The following GRID1 variants were observed in gnomAD, a reference collection of about 807,000 sequenced individuals.
GRID1 encodes glutamate ionotropic receptor delta type subunit 1, also known as glutamate receptor ionotropic, delta-1.
In GRID1, 28 loss-of-function variants were observed where a neutral mutation model predicts 98.0. The observed-to-expected ratio is 0.29, with a 90% CI of 0.21 to 0.39. The LOEUF is 0.39. GRID1 is among the 10% of genes least tolerant of loss of function. GRID1 has a pLI of 1.00. For synonymous variants in GRID1, 553 were observed against 538.5 expected (o/e 1.03, Z -0.37); for missense variants, 1,111 against 1,340.5 (o/e 0.83, Z 2.67).
At chr10:86,063,421 C>T (rs998825197) in intron 4 of GRID1, among the ~76,000 whole-genome samples, 2 of 152,174 alleles carry the variant, frequency 1.3e-5, no homozygotes, top group Admixed American at 1.3e-4. Context: ...GAGAGAGCAG[C>T]CTGCACTTCT....
chr10:85,913,907 G>A (rs1022099036), intron 5 of GRID1, among the ~76,000 whole-genome samples: 2 of 152,204 alleles, frequency 1.3e-5, no homozygotes, highest in Non-Finnish European at 1.5e-5. Flanking sequence ...ACATTTGGAG[G>A]AGGACACACT....
At chr10:85,887,199 T>G (rs935406898) in intron 5 of GRID1, among the ~76,000 whole-genome samples, 3 of 152,126 alleles carry the variant, frequency 2.0e-5, no homozygotes, top group Non-Finnish European at 4.4e-5. Flanking sequence ...ATAGACCACC[T>G]AGGGCAAGGC....
chr10:85,867,363 G>C (rs1843231429), intron 6 of GRID1, among the ~76,000 whole-genome samples: 1 of 152,184 alleles, frequency 6.6e-6, no homozygotes, highest in Non-Finnish European at 1.5e-5. Flanking sequence ...ATTTGGGGAG[G>C]GAGGAAGCCC....
At chr10:85,880,454 A>C (rs557418109) in intron 5 of GRID1, among the ~76,000 whole-genome samples, 7 of 152,376 alleles carry the variant, frequency 4.6e-5, no homozygotes, top group South Asian at 2.1e-4. Flanking sequence ...CCTGGGATGC[A>C]AGGCTGGTTC....
chr10:85,615,674 T>C (rs1204760203), intron 14 of GRID1, among the ~76,000 whole-genome samples: 1 of 152,204 alleles, frequency 6.6e-6, no homozygotes, highest in Non-Finnish European at 1.5e-5. Context: ...CAGACCTCTC[T>C]CATGGCACAC....
rs540325155 is a variant in GRID1, at chr10:85,902,362, G to A, written c.780+13824C>T. Among the ~76,000 whole-genome samples the A allele has an allele frequency of 1.8e-3, 269 of 152,280 alleles. 1 individual carries two copies. Among genetic ancestry groups the A allele is most frequent in the Non-Finnish European group, 2.9e-3 (200 of 68,022 alleles). On this transcript the variant is annotated intron_variant, in intron 5 of 15. Coordinates refer to ENST00000327946, the MANE Select transcript of GRID1 (RefSeq NM_017551.3). ...CATCACACTATGCAGAAGAGCATGC[G>A]ATTGAAAAACGTATAAATTATTTAT...
chr10:86,129,246 C>T (rs1026223628), intron 4 of GRID1, among the ~76,000 whole-genome samples: 4 of 152,134 alleles, frequency 2.6e-5, no homozygotes, highest in African/African-American at 9.7e-5. Context: ...GGTGTCCAGT[C>T]CCCCTCCTCA....
At chr10:85,993,351 A>G (rs949296752) in intron 4 of GRID1, among the ~76,000 whole-genome samples, 1 of 152,232 alleles carries the variant, frequency 6.6e-6, no homozygotes, top group Non-Finnish European at 1.5e-5. Flanking sequence ...TCTCCGATCA[A>G]TGGTATGGGC....
chr10:85,718,288 A>G (rs1038808263), intron 12 of GRID1, among the ~76,000 whole-genome samples: 1 of 152,182 alleles, frequency 6.6e-6, no homozygotes, highest in South Asian at 2.1e-4. Flanking sequence ...TTGCCTGGGC[A>G]TCCAGGCATT....
intron 4 of GRID1, among the ~76,000 whole-genome samples, chr10:86,056,970 C>T (rs1843582639): frequency 1.3e-5 from 2 of 152,236 alleles, no homozygotes; most frequent in African/African-American, 4.8e-5. Flanking sequence ...CCTTGCCTGG[C>T]TTTAGACTGT....
At chr10:85,623,983 G>T (rs1842884049) in intron 13 of GRID1, among the ~76,000 whole-genome samples, 1 of 152,158 alleles carries the variant, frequency 6.6e-6, no homozygotes, top group African/African-American at 2.4e-5. Flanking sequence ...AGAGTCCCTT[G>T]ACCAAGTGTC....
intron 2 of GRID1, among the ~76,000 whole-genome samples, chr10:86,307,424 T>C (rs1233171430): frequency 1.3e-5 from 2 of 152,208 alleles, no homozygotes; most frequent in Non-Finnish European, 2.9e-5. Flanking sequence ...TTATGCTTTG[T>C]TATAAGCCAG....
In GRID1 at chr10:85,701,969, A is replaced by C. The variant is rs76861719; in HGVS notation, c.1997+21034T>G. ...TGTTCCCCAACAACCAATGGGGAAAAGTACATGAAGATATTTCCAAATTAG... is the reference window on the plus strand; with the variant it reads ...TGTTCCCCAACAACCAATGGGGAAACGTACATGAAGATATTTCCAAATTAG... On this transcript the variant is annotated intron_variant, in intron 12 of 15. Coordinates refer to ENST00000327946, the MANE Select transcript of GRID1 (RefSeq NM_017551.3). Among the ~76,000 whole-genome samples, 694 of 152,294 alleles carry C rather than the reference A, an allele frequency of 4.6e-3. 5 individuals carry two copies. The highest frequency in any genetic ancestry group is 0.015 in the African/African-American group (616 of 41,572).
chr10:86,047,015 C>T (rs1398788514), intron 4 of GRID1, among the ~76,000 whole-genome samples: 1 of 152,230 alleles, frequency 6.6e-6, no homozygotes, highest in East Asian at 1.9e-4. Flanking sequence ...CCAGAGGTTG[C>T]AGGACTTCTC....
intron 4 of GRID1, among the ~76,000 whole-genome samples, chr10:85,929,307 C>A (rs758255237): frequency 2.0e-5 from 3 of 152,096 alleles, no homozygotes; most frequent in Non-Finnish European, 4.4e-5. Context: ...TCACTCCCCA[C>A]GAGAACAGCA....
intron 4 of GRID1, among the ~76,000 whole-genome samples, chr10:85,995,638 C>G (rs1336036157): frequency 6.6e-6 from 1 of 152,184 alleles, no homozygotes; most frequent in Non-Finnish European, 1.5e-5. Context: ...GAGAAGAAAA[C>G]AAGAATTCAA....
chr10:85,987,378 A>G (rs1171816220), intron 4 of GRID1, among the ~76,000 whole-genome samples: 1 of 139,740 alleles, frequency 7.2e-6, no homozygotes, highest in Non-Finnish European at 1.5e-5. Context: ...TACCTCCTCC[A>G]AGCCTTACCT....
intron 2 of GRID1, among the ~76,000 whole-genome samples, chr10:86,312,697 G>A (rs1051583299): frequency 6.6e-6 from 1 of 152,228 alleles, no homozygotes; most frequent in Non-Finnish European, 1.5e-5. Context: ...TTGGGAGACT[G>A]AGCCTTTTAT....
intron 2 of GRID1, among the ~76,000 whole-genome samples, chr10:86,314,824 T>C (rs1847876971): frequency 6.6e-6 from 1 of 152,178 alleles, no homozygotes; most frequent in Non-Finnish European, 1.5e-5. Flanking sequence ...CCCAGTGCCC[T>C]GAGACCTACT....
Sources: gnomAD v4.1 joint callset for allele counts (sites outside exome capture counted in the v4.1 genomes callset) on GRCh38, gnomAD v4.1.1 for gene constraint, MANE v1.5 for transcripts, NCBI Gene and HGNC (gene_info 2026-07-23, HGNC 2026-07-21) for gene names.